WFDC3: variants seen among roughly 807,000 people sequenced by gnomAD.
WFDC3 encodes the protein WAP four-disulfide core domain 3.
A neutral mutation model predicts 25.8 loss-of-function variants in WFDC3; 15 were observed. The observed-to-expected ratio is 0.58, with a 90% CI of 0.39 to 0.89. The LOEUF is 0.89. WFDC3 is among the 40% of genes least tolerant of loss of function. The pLI, the probability that WFDC3 is intolerant of heterozygous loss-of-function variation, is 0.00. For missense variants in WFDC3, 264 were observed against 289.8 expected, an observed-to-expected ratio of 0.91 and a Z score of 0.65; for synonymous variants, 103 against 107.1, an observed-to-expected ratio of 0.96 and a Z score of 0.24.
At chr20:45,785,775 G>A (rs1266600636) in intron 4 of WFDC3, among the ~76,000 whole-genome samples, 2 of 152,090 alleles carry the variant, frequency 1.3e-5, no homozygotes, top group Non-Finnish European at 2.9e-5. Context: ...CAAGGGAATG[G>A]AGAAGGAATA....
At position 45,791,834 on chromosome 20, in the gene WFDC3, G is replaced by A. The variant is rs1306320714; in HGVS notation, c.-10C>T. The A allele has an allele frequency of 4.7e-6, 2 of 421,240 alleles. No individual in the cohort carries two copies. The highest frequency in any genetic ancestry group is 8.0e-6 in the Non-Finnish European group (2 of 248,564). The allele number at this position is 421,240 out of a possible 1,614,324, so 26.1% of individuals were successfully genotyped here. ...AAGCCCCAACGACCTCCACCTACAA[G>A]GCCTCTAAGTGTAACTGTCCTGGGC... On this transcript the variant is annotated splice_region_variant and 5_prime_UTR_variant, in exon 1 of 7. Coordinates refer to ENST00000243938, the MANE Select transcript of WFDC3 (RefSeq NM_080614.2).
intron 4 of WFDC3, among the ~76,000 whole-genome samples, chr20:45,783,078 A>T (rs1002792070): frequency 3.3e-5 from 5 of 150,318 alleles, no homozygotes; most frequent in African/African-American, 1.2e-4. Context: ...ACACTATATG[A>T]GCAAGCCCCA....
chr20:45,774,363 C>T lies in WFDC3; in HGVS notation c.*65G>A. On this transcript the variant is annotated 3_prime_UTR_variant, in exon 7 of 7. Transcript: ENST00000243938. Reference sequence around the variant, plus strand: ...AAATGTCACAAGCCCCAGGATGTCACCCTCTCTTGACTGCCAGGAAAAGCT... The same window carrying T: ...AAATGTCACAAGCCCCAGGATGTCATCCTCTCTTGACTGCCAGGAAAAGCT... 1 of 1,611,604 alleles carries T rather than the reference C, an allele frequency of 6.2e-7. No homozygotes were observed. The highest frequency in any genetic ancestry group is 8.5e-7 in the Non-Finnish European group (1 of 1,177,806).
intron 5 of WFDC3, among the ~76,000 whole-genome samples, chr20:45,776,278 C>CTGTGTGTGTGTGTGTGTGTGTGTGTGTG: frequency 9.8e-6 from 1 of 102,038 alleles, no homozygotes; most frequent in East Asian, 2.4e-4. Flanking sequence ...GCTTTTATCT[C>CTGTGTGTGTGTGTGTGTGTGTGTGTGTG]TGTGTGTGTG....
Position 45,788,945 on chromosome 20 carries a change from C to G in WFDC3, c.197G>C (p.Arg66Pro), listed in dbSNP as rs772546615. The G allele has an allele frequency of 1.2e-6, 2 of 1,611,910 alleles. No individual in the cohort carries two copies. The highest frequency in any genetic ancestry group is 2.2e-5 in the South Asian group (2 of 90,838). Residue 66 changes from arginine (R) to proline (P), a missense_variant, in exon 3 of 7, where the codon CGA (arginine) becomes CCA (proline). By Grantham distance (103) the Arg-to-Pro change is moderately radical. Coordinates refer to ENST00000243938, the MANE Select transcript of WFDC3 (RefSeq NM_080614.2). ...CCTTGCGRIC[R>P]DIPKGRKRDC... ...TGCCAACATACCCTTAGGAATGTCT[C>G]GGCAGATCCGACCACAGCCTGTGGT...
Position 45,775,514 on chromosome 20 carries a change from A to C in WFDC3, c.582T>G (p.Cys194Trp). ...AGAAGCGGCCACAGCCTGACTTGCA[A>C]CATTTTTCTCCAGCTTGACAATTCT... ...MDENCQAGEK[C>W]CKSGCGRFCV... is the part of the protein sequence containing the mutation. Residue 194 changes from cysteine (C) to tryptophan (W), a missense_variant, in exon 6 of 7, where the codon TGT (cysteine) becomes TGG (tryptophan). Coordinates refer to ENST00000243938, the MANE Select transcript of WFDC3 (RefSeq NM_080614.2). The C allele has an allele frequency of 6.2e-7, 1 of 1,614,180 alleles. No homozygotes were observed. Among genetic ancestry groups the C allele is most frequent in the Non-Finnish European group, 8.5e-7 (1 of 1,180,028 alleles).
intron 4 of WFDC3, among the ~76,000 whole-genome samples, chr20:45,785,460 CAAAA>C (rs59167815): frequency 2.8e-5 from 2 of 72,550 alleles, no homozygotes; most frequent in Admixed American, 1.5e-4. Flanking sequence ...CAGCCTGTCT[CAAAA>C]AAAAAAAAAA....
intron 5 of WFDC3, among the ~76,000 whole-genome samples, chr20:45,776,660 A>ATATGTGTGTGTGTGTG (rs762240715): frequency 4.2e-4 from 39 of 93,266 alleles, no homozygotes; most frequent in African/African-American, 1.3e-3. Context: ...ATATATATAT[A>ATATGTGTGTGTGTGTG]TGTGTGTGTG....
Position 45,777,091 on chromosome 20 carries a change from G to C in WFDC3, c.477C>G (p.Leu159=), listed in dbSNP as rs142324263. 1 of 1,612,906 alleles carries C rather than the reference G, an allele frequency of 6.2e-7. No homozygotes were observed. Among genetic ancestry groups the C allele is most frequent in the Admixed American group, 1.7e-5 (1 of 59,964 alleles). Residue 159 remains leucine (L), a synonymous_variant, in exon 5 of 7, where the codon CTC becomes CTG. Transcript: ENST00000243938. ...CCSTGCGRTC[L]GDIEGGRGGD... The stretch of plus-strand genomic sequence containing the variant: ...CCAACATACCTCCCTCAATGTCTCC[G>C]AGGCAGGTGCGGCCACAGCCGGTGC...
intron 4 of WFDC3, among the ~76,000 whole-genome samples, chr20:45,783,921 A>G (rs959147594): frequency 6.6e-6 from 1 of 152,154 alleles, no homozygotes; most frequent in Admixed American, 6.5e-5. Flanking sequence ...AGTAGCCAGT[A>G]TCACCTCCCA....
At chr20:45,786,462 C>T (rs986636635) in intron 4 of WFDC3, among the ~76,000 whole-genome samples, 2 of 152,326 alleles carry the variant, frequency 1.3e-5, no homozygotes, top group Admixed American at 6.5e-5. Flanking sequence ...AATTTTCCTT[C>T]CCTGTCCTTA....
At chr20:45,775,758 T>G (rs1980114938) in intron 5 of WFDC3, among the ~76,000 whole-genome samples, 156 bp from the exon 6 acceptor site, 1 of 151,938 alleles carries the variant, frequency 6.6e-6, no homozygotes, top group South Asian at 2.1e-4. Flanking sequence ...CGCTGGAGGA[T>G]CTCAGAATCT....
Position 45,791,883 on chromosome 20 carries a change from T to G in WFDC3, c.-59A>C. 1 of 689,896 alleles carries G rather than the reference T, an allele frequency of 1.4e-6. No individual in the cohort carries two copies. The highest frequency in any genetic ancestry group is 2.0e-6 in the Non-Finnish European group (1 of 492,748). 42.7% of individuals were successfully genotyped at this position (689,896 alleles called of 1,614,324 possible). ...GCGAGGCGCGGCGGTTCGGTTCCCA[T>G]GGTAACCCCGCAGCTCCAGCGTCGC... On this transcript the variant is annotated 5_prime_UTR_variant, in exon 1 of 7. An upstream start codon of the reference 5' UTR is lost. Transcript: ENST00000243938.
intron 4 of WFDC3, among the ~76,000 whole-genome samples, chr20:45,780,108 A>C: frequency 8.2e-6 from 1 of 122,054 alleles, no homozygotes; most frequent in Admixed American, 1.1e-4. Context: ...TCGCTTTGTC[A>C]CCCAGGCTGG....
chr20:45,774,223 CCTTTATCGGGA>C lies in WFDC3; in HGVS notation c.*194_*204del, dbSNP rs1980030266. ...AGCACAAACAAGAGGTCAGCACCAG[CCTTTATCGGGA>C]AAGAGAAGCACCACACACCCACTAC... is the stretch of plus-strand genomic sequence containing the variant. On this transcript the variant is annotated 3_prime_UTR_variant, in exon 7 of 7. Coordinates refer to ENST00000243938, the MANE Select transcript of WFDC3 (RefSeq NM_080614.2). 2 of 653,292 alleles carry C rather than the reference CCTTTATCGGGA, an allele frequency of 3.1e-6. No individual in the cohort carries two copies. Among genetic ancestry groups the C allele is most frequent in the East Asian group, 5.5e-5 (2 of 36,582 alleles). The allele number at this position is 653,292 out of a possible 1,614,324, so 40.5% of individuals were successfully genotyped here. A position where few individuals can be genotyped will look rare whatever the true frequency, so the allele number is the denominator to read the frequency against.
At position 45,775,503 on chromosome 20, in the gene WFDC3, C is replaced by T; in HGVS notation, c.593G>A (p.Gly198Asp). 6.2e-7 allele frequency: 1 copy of T among 1,614,220 alleles called. No homozygotes were observed. Among genetic ancestry groups the T allele is most frequent in the Non-Finnish European group, 8.5e-7 (1 of 1,180,034 alleles). ...CQAGEKCCKS[G>D]CGRFCVPPVL... Reference sequence around the variant, plus strand: ...TGGTGGGACACAGAAGCGGCCACAGCCTGACTTGCAACATTTTTCTCCAGC... The same window carrying T: ...TGGTGGGACACAGAAGCGGCCACAGTCTGACTTGCAACATTTTTCTCCAGC... The change falls in exon 6 of 7, where the codon GGC (glycine) becomes GAC (aspartate). Residue 198 changes from glycine (G) to aspartate (D), a missense_variant. Transcript: ENST00000243938.
intron 4 of WFDC3, among the ~76,000 whole-genome samples, chr20:45,786,127 C>T (rs892237263): frequency 1.3e-5 from 2 of 152,198 alleles, no homozygotes; most frequent in Non-Finnish European, 2.9e-5. Context: ...CAGCCGGGCA[C>T]GGTGGCTCAC....
chr20:45,789,120 C>T, intron 2 of WFDC3, 61 bp from the exon 3 acceptor site: 2 of 1,595,060 alleles, frequency 1.3e-6, no homozygotes, highest in Admixed American at 1.8e-5. Context: ...GGGGAATGGA[C>T]CTTCAGCCCC....
At chr20:45,786,134 T>C (rs1980657770) in intron 4 of WFDC3, among the ~76,000 whole-genome samples, 1 of 152,164 alleles carries the variant, frequency 6.6e-6, no homozygotes, top group Admixed American at 6.6e-5. Context: ...GCACGGTGGC[T>C]CACGCCAGCC....
Sources: allele counts gnomAD v4.1 joint callset (sites outside exome capture counted in the v4.1 genomes callset), GRCh38; gene constraint gnomAD v4.1.1; transcripts MANE v1.5; gene names NCBI Gene and HGNC (gene_info 2026-07-23, HGNC 2026-07-21).